SLC7A8: variants seen among roughly 807,000 people sequenced by gnomAD.
The protein encoded by SLC7A8 is solute carrier family 7 member 8.
SLC7A8 carries 30 observed loss-of-function variants against 51.2 expected under a neutral mutation model. The ratio of observed to expected loss-of-function variants is 0.59; its 90% CI spans 0.44 to 0.80. The LOEUF is 0.80. SLC7A8 is among the 30% of genes least tolerant of loss of function. The probability of loss-of-function intolerance (pLI) is 0.00; values close to 1 mark genes in which losing one functional copy is unlikely to be tolerated. For missense variants in SLC7A8, 612 were observed against 674.4 expected (o/e 0.91, Z 1.03); for synonymous variants, 257 against 275.8 (o/e 0.93, Z 0.67).
rs2048630593 is a variant in SLC7A8, at chr14:23,131,373, GGT to G, written c.1113+86_1113+87del. 5.6e-6 allele frequency: 6 copies of G among 1,079,540 alleles called. No homozygotes were observed. The East Asian group carries it at 1.6e-4, about 29-fold the overall frequency. 66.9% of individuals were successfully genotyped at this position (1,079,540 alleles called of 1,614,324 possible). A position where few individuals can be genotyped will look rare whatever the true frequency, so the allele number is the denominator to read the frequency against. ...AGCAGCAGACTGCAAGGGTAACAGG[GGT>G]GTGTGTGAAAAGCATGAACTCCCAG... is the stretch of plus-strand genomic sequence containing the variant. On this transcript the variant is annotated intron_variant, in intron 8 of 10. Transcript: ENST00000316902.
chr14:23,148,250 CAG>C (rs2068657668), intron 3 of SLC7A8, among the ~76,000 whole-genome samples: 1 of 151,400 alleles, frequency 6.6e-6, no homozygotes, highest in African/African-American at 2.4e-5. Flanking sequence ...TTTTTGGAGA[CAG>C]AGTTTCGCTC....
rs912629272 is a variant in SLC7A8, at chr14:23,132,626, T to C, written c.1017-1069A>G. On this transcript the variant is annotated intron_variant, in intron 7 of 10. Transcript: ENST00000316902. ...CCCACAAAACTCATCAAAATGAACA[T>C]TTATGATCTGCTTTTTTTTTTTTTT... is the stretch of plus-strand genomic sequence containing the variant. Among the ~76,000 whole-genome samples, 5 of 151,758 alleles carry C rather than the reference T, an allele frequency of 3.3e-5. 1 individual carries two copies. Among genetic ancestry groups the C allele is most frequent in the Admixed American group, 2.6e-4 (4 of 15,246 alleles).
At chr14:23,171,541 G>A (rs1192787908) in intron 1 of SLC7A8, among the ~76,000 whole-genome samples, 1 of 152,194 alleles carries the variant, frequency 6.6e-6, no homozygotes, top group East Asian at 1.9e-4. Flanking sequence ...ACAGAGTTCT[G>A]ATGCCCAACA....
intron 3 of SLC7A8, among the ~76,000 whole-genome samples, chr14:23,158,440 G>A (rs1260152330): frequency 1.3e-5 from 2 of 152,166 alleles, no homozygotes; most frequent in Non-Finnish European, 2.9e-5. Context: ...CCGCCTCCTG[G>A]GTTCAAGTGA....
intron 3 of SLC7A8, among the ~76,000 whole-genome samples, chr14:23,158,306 G>A (rs1011501151): frequency 6.6e-6 from 1 of 152,212 alleles, no homozygotes; most frequent in African/African-American, 2.4e-5. Flanking sequence ...CCTGGGGAAG[G>A]TTCTAACCAG....
chr14:23,127,186 G>A lies in SLC7A8; in HGVS notation c.1599C>T (p.Pro533=), dbSNP rs776253012. The A allele has an allele frequency of 6.2e-6, 10 of 1,613,906 alleles. No homozygotes were observed. In the South Asian group the frequency reaches 7.7e-5, roughly 12 times the overall value. Residue 533 remains proline (P), a synonymous_variant, in exon 11 of 11, where the codon CCC becomes CCT. Transcript: ENST00000316902. ...CAGGGAATGGTGGTCCTCAGGGCTG[G>A]GGCTGCCCCGCCACGTCCTTGTCCT... ...PTKDKDVAGQ[P]QP
At position 23,167,336 on chromosome 14, in the gene SLC7A8, A is replaced by G. The variant is rs114627887; in HGVS notation, c.152-796T>C. 7.9e-3 allele frequency among the ~76,000 whole-genome samples: 1,201 copies of G among 152,204 alleles called. 15 individuals carry two copies. The highest frequency in any genetic ancestry group is 0.027 in the African/African-American group (1,119 of 41,452). Reference sequence around the variant, plus strand: ...ATTCAGGGAGAGGAGAGGGGCAGGTACTTCCCTCTCTATTTTACAAACTAA... The same window carrying G: ...ATTCAGGGAGAGGAGAGGGGCAGGTGCTTCCCTCTCTATTTTACAAACTAA... On this transcript the variant is annotated intron_variant, in intron 1 of 10. Coordinates refer to ENST00000316902, the MANE Select transcript of SLC7A8 (RefSeq NM_012244.4).
chr14:23,173,331 T>C (rs2048984013), intron 1 of SLC7A8, among the ~76,000 whole-genome samples: 1 of 152,226 alleles, frequency 6.6e-6, no homozygotes, highest in Admixed American at 6.5e-5. Flanking sequence ...CAGAAAAGTC[T>C]TCCTGGGAGA....
At chr14:23,154,309 C>T (rs1161113574) in intron 3 of SLC7A8, 6 of 1,000,246 alleles carry the variant, frequency 6.0e-6, no homozygotes, top group Admixed American at 6.1e-5. Flanking sequence ...CTGGCCAGCT[C>T]CCACAGACTC....
intron 3 of SLC7A8, among the ~76,000 whole-genome samples, chr14:23,154,998 C>CAAAAAA (rs33973055): frequency 1.7e-3 from 148 of 89,254 alleles, no homozygotes; most frequent in East Asian, 3.0e-3. Context: ...ACACAACAGA[C>CAAAAAA]AAAAAAAAAA....
Position 23,166,334 on chromosome 14 carries a change from AC to A in SLC7A8, c.356+1del, listed in dbSNP as rs1225504695. ...CATTCAGGTCTCCACAGATCCTCTTACCCAGCCAGTCCTCCGAAGATGTCCT... is the reference window on the plus strand; with the variant it reads ...CATTCAGGTCTCCACAGATCCTCTTACCAGCCAGTCCTCCGAAGATGTCCT... On this transcript the variant is annotated splice_donor_variant, in intron 2 of 10. Coordinates refer to ENST00000316902, the MANE Select transcript of SLC7A8 (RefSeq NM_012244.4). LOFTEE classifies it high-confidence loss of function. 2 of 1,612,818 alleles carry A rather than the reference AC, an allele frequency of 1.2e-6. No individual in the cohort carries two copies. Among genetic ancestry groups the A allele is most frequent in the Non-Finnish European group, 8.5e-7 (1 of 1,179,982 alleles).
At chr14:23,157,017 G>A (rs573425494) in intron 3 of SLC7A8, among the ~76,000 whole-genome samples, 75 of 152,234 alleles carry the variant, frequency 4.9e-4, no homozygotes, top group Non-Finnish European at 6.8e-4. Flanking sequence ...GTAGACATAA[G>A]AGTCCAAAAG....
chr14:23,172,354 C>T (rs1298994063), intron 1 of SLC7A8, among the ~76,000 whole-genome samples: 5 of 152,166 alleles, frequency 3.3e-5, no homozygotes, highest in Non-Finnish European at 7.3e-5. Flanking sequence ...CGCAGGTGGG[C>T]GGGCAGCAGG....
At position 23,125,714 on chromosome 14, in the gene SLC7A8, T is replaced by C. The variant is rs1259457806; in HGVS notation, c.*1463A>G. 1 of 152,582 alleles carries C rather than the reference T, an allele frequency of 6.6e-6. No homozygotes were observed. 9.5% of individuals were successfully genotyped at this position (152,582 alleles called of 1,614,324 possible). ...CCATCCAGGCCAGGAAGGGCTCCTG[T>C]GTATTCCAGTTTAAGCAGACAGAAT... On this transcript the variant is annotated 3_prime_UTR_variant, in exon 11 of 11. Coordinates refer to ENST00000316902, the MANE Select transcript of SLC7A8 (RefSeq NM_012244.4).
chr14:23,150,987 A>C (rs1346649720), intron 3 of SLC7A8, among the ~76,000 whole-genome samples: 1 of 152,230 alleles, frequency 6.6e-6, no homozygotes, highest in East Asian at 1.9e-4. Flanking sequence ...CTGGACCAGA[A>C]GCCCAGATGG....
intron 1 of SLC7A8, among the ~76,000 whole-genome samples, chr14:23,182,204 G>A (rs1877212089): frequency 6.6e-6 from 1 of 152,138 alleles, no homozygotes; most frequent in Non-Finnish European, 1.5e-5. Flanking sequence ...TCTGTGAAAT[G>A]GGAATAACAG....
chr14:23,152,175 G>A (rs1283080226), intron 3 of SLC7A8, among the ~76,000 whole-genome samples: 1 of 152,146 alleles, frequency 6.6e-6, no homozygotes, highest in Admixed American at 6.5e-5. Flanking sequence ...TGTCACCCAG[G>A]CTGGAATGCA....
chr14:23,173,178 TCAA>T (rs1215785717), intron 1 of SLC7A8, among the ~76,000 whole-genome samples: 1 of 152,172 alleles, frequency 6.6e-6, no homozygotes, highest in Non-Finnish European at 1.5e-5. Context: ...GTGCCTGGTT[TCAA>T]GGAACTGTGT....
intron 3 of SLC7A8, among the ~76,000 whole-genome samples, chr14:23,162,557 T>G (rs1367600101): frequency 6.6e-6 from 1 of 152,196 alleles, no homozygotes; most frequent in Non-Finnish European, 1.5e-5. Flanking sequence ...CTTGTCATTT[T>G]TGTCATCAGC....
Sources: gnomAD v4.1 joint callset for allele counts (sites outside exome capture counted in the v4.1 genomes callset) on GRCh38, gnomAD v4.1.1 for gene constraint, MANE v1.5 for transcripts, NCBI Gene and HGNC (gene_info 2026-07-23, HGNC 2026-07-21) for gene names.